DNMBP: variants seen among roughly 807,000 people sequenced by gnomAD.
The protein encoded by DNMBP is dynamin-binding protein.
A neutral mutation model predicts 150.0 loss-of-function variants in DNMBP; 87 were observed. The ratio of observed to expected loss-of-function variants is 0.58; its 90% CI spans 0.49 to 0.69. The LOEUF (loss-of-function observed/expected upper bound fraction) is 0.69. DNMBP is among the 30% of genes least tolerant of loss of function. DNMBP has a pLI of 0.00. For missense variants in DNMBP, 1,774 were observed against 1,949.0 expected (o/e 0.91, Z 1.69); for synonymous variants, 711 against 750.4 (o/e 0.95, Z 0.86).
intron 1 of DNMBP, among the ~76,000 whole-genome samples, chr10:100,007,021 G>A (rs2041079615): frequency 6.6e-6 from 1 of 151,982 alleles, no homozygotes; most frequent in Non-Finnish European, 1.5e-5. Context: ...AGGCTGAGAT[G>A]GGAGGATCAC....
intron 16 of DNMBP, among the ~76,000 whole-genome samples, chr10:99,877,759 G>A (rs773353901): frequency 9.9e-5 from 15 of 152,124 alleles, no homozygotes; most frequent in Non-Finnish European, 1.8e-4. Context: ...AGCTACTCAC[G>A]AGGCTGAGAC....
Position 99,955,272 on chromosome 10 carries a change from A to G in DNMBP, c.2202T>C (p.Asp734=). ...DESSRAETLE[D]LKFCESNIES... ...CAATGTTACTTTCACAGAACTTGAG[A>G]TCCTCGAGGGTCTCTGCTCTTGATG... The change falls in exon 4 of 17, where the codon GAT becomes GAC. Residue 734 remains aspartate, a synonymous_variant. Coordinates refer to ENST00000324109, the MANE Select transcript of DNMBP (RefSeq NM_015221.4). 1 of 1,613,992 alleles carries G rather than the reference A, an allele frequency of 6.2e-7. No homozygotes were observed. Among genetic ancestry groups the G allele is most frequent in the Non-Finnish European group, 8.5e-7 (1 of 1,179,978 alleles).
At chr10:99,964,110 G>A (rs1564748264) in intron 3 of DNMBP, among the ~76,000 whole-genome samples, 1 of 137,998 alleles carries the variant, frequency 7.2e-6, no homozygotes, top group Non-Finnish European at 1.6e-5. Context: ...TCTCCTCTCT[G>A]TCTTTTCCTT....
At chr10:99,981,911 A>G (rs1441224093) in intron 1 of DNMBP, among the ~76,000 whole-genome samples, 1 of 152,168 alleles carries the variant, frequency 6.6e-6, no homozygotes, top group Non-Finnish European at 1.5e-5. Context: ...ACCTCCTCAA[A>G]ACAGCTTTCT....
At chr10:99,904,252 C>CG (rs1469350761) in intron 6 of DNMBP, among the ~76,000 whole-genome samples, 11 of 149,596 alleles carry the variant, frequency 7.4e-5, no homozygotes, top group African/African-American at 1.2e-4. Context: ...GAGACTGTCT[C>CG]GAAAAAAAAA....
At chr10:99,965,388 ATT>A (rs1001733544) in intron 3 of DNMBP, among the ~76,000 whole-genome samples, 1 of 151,716 alleles carries the variant, frequency 6.6e-6, no homozygotes, top group African/African-American at 2.4e-5. Flanking sequence ...TTACACATAT[ATT>A]TTTTCTCTTA....
chr10:99,892,190 CCGGCCAGCCGCCCCG>C (rs2039581254), intron 11 of DNMBP, among the ~76,000 whole-genome samples: 1 of 149,162 alleles, frequency 6.7e-6, no homozygotes, highest in East Asian at 2.0e-4. Flanking sequence ...AGCCCCCTGC[CCGGCCAGCCGCCCCG>C]TCCGGGAGGT....
At chr10:99,936,883 A>C (rs933573963) in intron 4 of DNMBP, among the ~76,000 whole-genome samples, 5 of 151,442 alleles carry the variant, frequency 3.3e-5, no homozygotes, top group Non-Finnish European at 5.9e-5. Context: ...ATGAAACTCT[A>C]GATTGTCAAA....
At chr10:99,891,727 G>C (rs1186176814) in intron 11 of DNMBP, among the ~76,000 whole-genome samples, 1 of 145,796 alleles carries the variant, frequency 6.9e-6, no homozygotes. Context: ...TGGGAAGTGA[G>C]GAGCACCTCT....
At chr10:99,987,734 C>CAA (rs770550556) in intron 1 of DNMBP, among the ~76,000 whole-genome samples, 1 of 104,166 alleles carries the variant, frequency 9.6e-6, no homozygotes, top group African/African-American at 3.6e-5. Context: ...GACCCCATGT[C>CAA]AAAAAAAAAA....
intron 1 of DNMBP, 75 bp from the exon 2 acceptor site, chr10:99,972,209 G>T: frequency 7.4e-7 from 1 of 1,345,920 alleles, no homozygotes; most frequent in Non-Finnish European, 1.0e-6. Context: ...TTCTTGGAAT[G>T]ATAAAGCTTA....
At position 99,968,521 on chromosome 10, in the gene DNMBP, T is replaced by C. The variant is rs1589443534; in HGVS notation, c.268+594A>G. Among the ~76,000 whole-genome samples, 3 of 152,058 alleles carry C rather than the reference T, an allele frequency of 2.0e-5. No homozygotes were observed. The South Asian group carries it at 6.3e-4, about 32-fold the overall frequency. On this transcript the variant is annotated intron_variant, in intron 3 of 16. Coordinates refer to ENST00000324109, the MANE Select transcript of DNMBP (RefSeq NM_015221.4). ...GGGCAATATGGCAAAACCCCATCTC[T>C]ACCAAAAATACTAAAAATTAGCCCA... is the stretch of plus-strand genomic sequence containing the variant.
chr10:99,912,939 G>GTT (rs1209834964), intron 4 of DNMBP, among the ~76,000 whole-genome samples: 1 of 152,164 alleles, frequency 6.6e-6, no homozygotes, highest in African/African-American at 2.4e-5. Flanking sequence ...TGAAATGACT[G>GTT]TAAGTATAAA....
intron 1 of DNMBP, among the ~76,000 whole-genome samples, chr10:99,989,679 C>A (rs2040865922): frequency 6.6e-6 from 1 of 152,086 alleles, no homozygotes; most frequent in East Asian, 1.9e-4. Context: ...CCATCGCACT[C>A]CAGCCTGGGC....
At chr10:99,941,965 C>T (rs1204797488) in intron 4 of DNMBP, among the ~76,000 whole-genome samples, 1 of 152,174 alleles carries the variant, frequency 6.6e-6, no homozygotes, top group African/African-American at 2.4e-5. Flanking sequence ...TCTCTTCTGT[C>T]TATTCTCTTC....
chr10:99,988,355 A>T (rs1452632115), intron 1 of DNMBP, among the ~76,000 whole-genome samples: 1 of 152,118 alleles, frequency 6.6e-6, no homozygotes, highest in Non-Finnish European at 1.5e-5. Flanking sequence ...TCAGATTTGC[A>T]TATAAGGGTT....
At chr10:99,943,774 C>T (rs1489475807) in intron 4 of DNMBP, among the ~76,000 whole-genome samples, 1 of 152,196 alleles carries the variant, frequency 6.6e-6, no homozygotes, top group East Asian at 1.9e-4. Context: ...GCATATAAAA[C>T]AGTTACACTT....
chr10:99,991,837 C>T (rs924094936), intron 1 of DNMBP, among the ~76,000 whole-genome samples: 2 of 147,222 alleles, frequency 1.4e-5, no homozygotes, highest in African/African-American at 5.1e-5. Flanking sequence ...ACCCAGGAGG[C>T]GAAGTTTGCA....
intron 1 of DNMBP, among the ~76,000 whole-genome samples, chr10:99,981,530 A>G (rs2040779986): frequency 6.6e-6 from 1 of 152,176 alleles, no homozygotes; most frequent in African/African-American, 2.4e-5. Context: ...ATACTTCATT[A>G]AAAAATCTCC....
Sources: allele counts gnomAD v4.1 joint callset (sites outside exome capture counted in the v4.1 genomes callset), GRCh38; gene constraint gnomAD v4.1.1; transcripts MANE v1.5; gene names NCBI Gene and HGNC (gene_info 2026-07-23, HGNC 2026-07-21).